Variants in IGSF11 observed in about 807,000 individuals in gnomAD.
The protein encoded by IGSF11 is CXADR like 1.
Under a neutral mutation model 41.0 loss-of-function variants are expected in IGSF11, and 22 were observed. The observed-to-expected ratio is 0.54, with a 90% CI of 0.38 to 0.77. IGSF11 has a LOEUF of 0.77. Ranked by LOEUF, IGSF11 falls within the 30% of genes least tolerant of loss-of-function variation. IGSF11 has a pLI of 0.00. For synonymous variants in IGSF11, 219 were observed against 201.3 expected (o/e 1.09, Z -0.74); for missense variants, 444 against 530.8 (o/e 0.84, Z 1.61).
chr3:118,916,579 C>A (rs1247945837), intron 4 of IGSF11, among the ~76,000 whole-genome samples: 2 of 150,670 alleles, frequency 1.3e-5, no homozygotes, highest in East Asian at 3.9e-4. Flanking sequence ...TATATGCACC[C>A]AATACAGGAG....
At chr3:119,020,885 T>A (rs1266694325) in intron 1 of IGSF11, among the ~76,000 whole-genome samples, 1 of 152,222 alleles carries the variant, frequency 6.6e-6, no homozygotes, top group Non-Finnish European at 1.5e-5. Context: ...CTCCAAACTG[T>A]AACTACAGTT....
intron 1 of IGSF11, among the ~76,000 whole-genome samples, chr3:119,116,768 A>G (rs1014379240): frequency 6.6e-6 from 1 of 152,204 alleles, no homozygotes; most frequent in Admixed American, 6.5e-5. Flanking sequence ...TAACACCATT[A>G]TGGTAGATTG....
rs989307312 is a variant in IGSF11, at chr3:118,984,760, T to C, written c.52+49771A>G. 2.0e-5 allele frequency among the ~76,000 whole-genome samples: 3 copies of C among 151,936 alleles called. No homozygotes were observed. The East Asian group carries it at 5.8e-4, about 29-fold the overall frequency. ...TATGATTTCCTAAGATCTCCTGAAA[T>C]AAAATGAAGTGTACCCTCCACGCTG... On this transcript the variant is annotated intron_variant, in intron 1 of 6. Coordinates refer to ENST00000393775, the MANE Select transcript of IGSF11 (RefSeq NM_001015887.3).
chr3:118,932,426 G>C (rs1942936081), intron 1 of IGSF11, among the ~76,000 whole-genome samples: 1 of 152,196 alleles, frequency 6.6e-6, no homozygotes, highest in South Asian at 2.1e-4. Flanking sequence ...AGAACGTCAT[G>C]TTCTTCACGT....
intron 1 of IGSF11, among the ~76,000 whole-genome samples, chr3:118,970,864 A>G (rs2107617715): frequency 6.6e-6 from 1 of 152,280 alleles, no homozygotes; most frequent in South Asian, 2.1e-4. Flanking sequence ...TTGTAGAAAT[A>G]GGTACTTAAG....
intron 1 of IGSF11, among the ~76,000 whole-genome samples, chr3:119,121,405 G>A (rs1198856927): frequency 6.6e-6 from 1 of 152,086 alleles, no homozygotes; most frequent in Non-Finnish European, 1.5e-5. Flanking sequence ...CTGCAGCTGA[G>A]AAGTACAATA....
chr3:119,004,350 T>C (rs532978128), intron 1 of IGSF11, among the ~76,000 whole-genome samples: 2 of 68,278 alleles, frequency 2.9e-5, no homozygotes, highest in South Asian at 1.1e-3. Flanking sequence ...GATTCTTCTC[T>C]CTTTTTTTCT....
chr3:118,902,132 T>C lies in IGSF11; in HGVS notation c.*388A>G, dbSNP rs1402958181. ...TGTTATTTTCTTAAAGACACCTACC[T>C]TTTAAAATAATTTCAATATTTAAAC... On this transcript the variant is annotated 3_prime_UTR_variant, in exon 7 of 7. Transcript: ENST00000393775. 8 of 178,680 alleles carry C rather than the reference T, an allele frequency of 4.5e-5. No homozygotes were observed. In the East Asian group the frequency reaches 7.0e-4, roughly 16 times the overall value. 11.1% of individuals were successfully genotyped at this position (178,680 alleles called of 1,614,324 possible).
intron 3 of IGSF11, among the ~76,000 whole-genome samples, chr3:118,927,787 G>A (rs1250095164): frequency 1.3e-5 from 2 of 152,128 alleles, no homozygotes; most frequent in Admixed American, 1.3e-4. Context: ...CATTTAGAAA[G>A]CAGTATTTTA....
intron 4 of IGSF11, among the ~76,000 whole-genome samples, chr3:118,912,750 G>A (rs2107489969): frequency 6.6e-6 from 1 of 152,268 alleles, no homozygotes; most frequent in Middle Eastern, 3.4e-3. Flanking sequence ...TTATGTGAAG[G>A]TCACTATAAA....
At chr3:119,095,202 G>T (rs968967240) in intron 1 of IGSF11, among the ~76,000 whole-genome samples, 3 of 152,120 alleles carry the variant, frequency 2.0e-5, no homozygotes, top group Admixed American at 1.3e-4. Context: ...TCGTATCTGA[G>T]AATGTATAAT....
chr3:119,075,019 C>T (rs893148338), intron 1 of IGSF11, among the ~76,000 whole-genome samples: 4 of 151,978 alleles, frequency 2.6e-5, no homozygotes, highest in African/African-American at 9.7e-5. Flanking sequence ...ATGCAAAAAA[C>T]CATACAAAGG....
At chr3:119,138,228 A>C (rs1689740186) in intron 1 of IGSF11, among the ~76,000 whole-genome samples, 1 of 152,072 alleles carries the variant, frequency 6.6e-6, no homozygotes, top group Non-Finnish European at 1.5e-5. Context: ...GTATTTACCC[A>C]AAAGGAAGGA....
chr3:118,923,850 G>C (rs1393620322), intron 4 of IGSF11, among the ~76,000 whole-genome samples: 4 of 152,152 alleles, frequency 2.6e-5, no homozygotes, highest in Admixed American at 2.6e-4. Flanking sequence ...TATATTAGGA[G>C]GTACGTGATA....
intron 4 of IGSF11, among the ~76,000 whole-genome samples, chr3:118,917,102 A>T (rs1576357580): frequency 6.6e-6 from 1 of 152,016 alleles, no homozygotes; most frequent in South Asian, 2.1e-4. Flanking sequence ...GGACGCATTC[A>T]AAGCAGTGTG....
intron 1 of IGSF11, among the ~76,000 whole-genome samples, chr3:118,939,029 A>C (rs1373608625): frequency 6.6e-6 from 1 of 152,226 alleles, no homozygotes; most frequent in African/African-American, 2.4e-5. Flanking sequence ...CTTATAGAAC[A>C]GACAAAAACA....
intron 1 of IGSF11, among the ~76,000 whole-genome samples, chr3:119,048,543 T>A (rs541051377): frequency 4.6e-5 from 7 of 152,290 alleles, no homozygotes; most frequent in African/African-American, 1.7e-4. Flanking sequence ...ACCAGATGGA[T>A]TCACAGCCTA....
chr3:119,017,700 A>G (rs62275747), intron 1 of IGSF11, among the ~76,000 whole-genome samples: 2 of 151,986 alleles, frequency 1.3e-5, no homozygotes, highest in African/African-American at 4.8e-5. Flanking sequence ...TTAGGCATTC[A>G]AAATTTTTTT....
At chr3:119,089,976 T>G (rs1416517469) in intron 1 of IGSF11, among the ~76,000 whole-genome samples, 1 of 152,030 alleles carries the variant, frequency 6.6e-6, no homozygotes, top group Non-Finnish European at 1.5e-5. Flanking sequence ...AGTGAGCTGG[T>G]ATCATGCCAC....
Sources: gnomAD v4.1 joint callset for allele counts (sites outside exome capture counted in the v4.1 genomes callset) on GRCh38, gnomAD v4.1.1 for gene constraint, MANE v1.5 for transcripts, NCBI Gene and HGNC (gene_info 2026-07-23, HGNC 2026-07-21) for gene names.